The following LIPA variants were observed in gnomAD, a reference collection of about 807,000 sequenced individuals.
The protein encoded by LIPA is lysosomal acid lipase/cholesteryl ester hydrolase.
LIPA carries 26 observed loss-of-function variants against 40.6 expected under a neutral mutation model. The ratio of observed to expected loss-of-function variants is 0.64; its 90% CI spans 0.47 to 0.89. The LOEUF (loss-of-function observed/expected upper bound fraction) is 0.89, where lower values mean the gene tolerates loss of function less well. Ranked by LOEUF, LIPA falls within the 40% of genes least tolerant of loss-of-function variation. LIPA has a pLI of 0.00. For missense variants in LIPA, 455 were observed against 479.6 expected, an observed-to-expected ratio of 0.95 and a Z score of 0.48; for synonymous variants, 188 against 168.4, an observed-to-expected ratio of 1.12 and a Z score of -0.90.
chr10:89,350,640 G>T (rs1019821311), intron 2 of LIPA, among the ~76,000 whole-genome samples: 10 of 151,900 alleles, frequency 6.6e-5, no homozygotes, highest in Admixed American at 5.9e-4. Flanking sequence ...GCAGGGGGTT[G>T]GGGGGAGATC....
intron 8 of LIPA, 80 bp downstream of exon 8, chr10:89,222,431 T>C (rs1842711301): frequency 2.2e-6 from 2 of 889,042 alleles, no homozygotes; most frequent in East Asian, 2.4e-5. Flanking sequence ...GTTGTCTTTC[T>C]ATTTGGAAAG....
At chr10:89,322,976 C>T (rs1437372797) in intron 1 of LIPA, among the ~76,000 whole-genome samples, 1 of 152,176 alleles carries the variant, frequency 6.6e-6, no homozygotes, top group Non-Finnish European at 1.5e-5. Context: ...AGCACAGCCT[C>T]CTGTTGTCCT....
upstream of LIPA, among the ~76,000 whole-genome samples, chr10:89,253,422 C>T (rs551784897): frequency 3.3e-5 from 5 of 152,170 alleles, no homozygotes; most frequent in South Asian, 2.1e-4. Context: ...AACCATCAGA[C>T]CTTGTGAGAC....
chr10:89,365,136 TGAG>T (rs757129273), intron 2 of LIPA, among the ~76,000 whole-genome samples: 5 of 152,082 alleles, frequency 3.3e-5, no homozygotes, highest in Non-Finnish European at 5.9e-5. Flanking sequence ...CTAATTTTGG[TGAG>T]GAGATTTATT....
chr10:89,247,379 C>CAAAAAAAAAAAA (rs71022556), intron 2 of LIPA, among the ~76,000 whole-genome samples, 159 bp downstream of exon 2: 3 of 75,450 alleles, frequency 4.0e-5, no homozygotes, highest in Non-Finnish European at 4.8e-5. Flanking sequence ...GACTCTGCCT[C>CAAAAAAAAAAAA]AAAAAAAAAA....
chr10:89,328,323 G>GA, intron 1 of LIPA, among the ~76,000 whole-genome samples: 1 of 152,168 alleles, frequency 6.6e-6, no homozygotes. Flanking sequence ...GCAGGGTGGG[G>GA]AATGCATCAG....
intron 3 of LIPA, among the ~76,000 whole-genome samples, chr10:89,238,726 T>C (rs1269522437): frequency 6.6e-6 from 1 of 152,198 alleles, no homozygotes; most frequent in Admixed American, 6.5e-5. Flanking sequence ...CCTTATGATT[T>C]CCTTATAACA....
At chr10:89,254,541 T>C (rs565807599), upstream of LIPA, among the ~76,000 whole-genome samples, 10 of 152,358 alleles carry the variant, frequency 6.6e-5, no homozygotes, top group African/African-American at 2.4e-4. Flanking sequence ...TGGGAGGGGC[T>C]GCCTCAAAGG....
intron 2 of LIPA, among the ~76,000 whole-genome samples, chr10:89,395,250 T>C (rs1844324530): frequency 7.3e-6 from 1 of 136,422 alleles, no homozygotes; most frequent in South Asian, 2.6e-4. Flanking sequence ...CATGACCCCT[T>C]GGCAAAATTG....
chr10:89,223,955 G>T, intron 6 of LIPA, 125 bp from the exon 7 acceptor site: 1 of 907,356 alleles, frequency 1.1e-6, no homozygotes, highest in Non-Finnish European at 1.8e-6. Context: ...GGAGAGAATG[G>T]CAACCAGTGG....
intron 1 of LIPA, among the ~76,000 whole-genome samples, chr10:89,282,377 C>T (rs141760847): frequency 1.2e-3 from 185 of 152,240 alleles, no homozygotes; most frequent in African/African-American, 4.0e-3. Flanking sequence ...GTGGCTCATG[C>T]GTGTAATCTC....
At chr10:89,264,881 T>G (rs1843227262) in intron 1 of LIPA, among the ~76,000 whole-genome samples, 2 of 152,212 alleles carry the variant, frequency 1.3e-5, no homozygotes, top group Non-Finnish European at 2.9e-5. Flanking sequence ...GGGGCCTATC[T>G]GCTTCCTGCT....
intron 2 of LIPA, among the ~76,000 whole-genome samples, chr10:89,246,428 T>C (rs1280622207): frequency 6.6e-6 from 1 of 152,224 alleles, no homozygotes; most frequent in Non-Finnish European, 1.5e-5. Flanking sequence ...CTCTCTACCA[T>C]AAGTACTTGA....
At chr10:89,414,052 G>A (rs533987428) in intron 1 of LIPA, among the ~76,000 whole-genome samples, 1 of 152,280 alleles carries the variant, frequency 6.6e-6, no homozygotes, top group East Asian at 1.9e-4. Context: ...AAGCACCATT[G>A]GCGAAGGTAT....
chr10:89,370,034 A>C (rs554804676), intron 2 of LIPA, among the ~76,000 whole-genome samples: 1 of 152,270 alleles, frequency 6.6e-6, no homozygotes, highest in African/African-American at 2.4e-5. Context: ...AGCATCTGAC[A>C]CTGCAGGCTT....
chr10:89,369,683 G>A (rs564854859), intron 2 of LIPA, among the ~76,000 whole-genome samples: 1 of 152,258 alleles, frequency 6.6e-6, no homozygotes, highest in South Asian at 2.1e-4. Context: ...CCTATATAGA[G>A]GTATTTGCGC....
intron 1 of LIPA, among the ~76,000 whole-genome samples, chr10:89,310,164 T>A (rs1276708678): frequency 6.6e-6 from 1 of 152,194 alleles, no homozygotes; most frequent in Non-Finnish European, 1.5e-5. Flanking sequence ...ATTCCTCTTA[T>A]CTCTGTGTTG....
intron 1 of LIPA, among the ~76,000 whole-genome samples, chr10:89,304,529 A>G (rs1360949347): frequency 2.0e-5 from 3 of 152,132 alleles, no homozygotes; most frequent in East Asian, 3.8e-4. Flanking sequence ...CCAGATATCT[A>G]TTGGTTGTAT....
intron 1 of LIPA, chr10:89,308,230 A>G (rs1046819799): frequency 6.6e-6 from 1 of 152,236 alleles, no homozygotes; most frequent in African/African-American, 2.4e-5. Flanking sequence ...AAAAGTAACC[A>G]AAAGAGAGAA....
Sources: allele counts gnomAD v4.1 joint callset (sites outside exome capture counted in the v4.1 genomes callset), GRCh38; gene constraint gnomAD v4.1.1; transcripts MANE v1.5; gene names NCBI Gene and HGNC (gene_info 2026-07-23, HGNC 2026-07-21).